Variants in PLCG2 observed in about 807,000 individuals in gnomAD.
PLCG2 encodes the protein 1-phosphatidylinositol 4,5-bisphosphate phosphodiesterase gamma-2.
A neutral mutation model predicts 175.6 loss-of-function variants in PLCG2; 69 were observed. The ratio of observed to expected loss-of-function variants is 0.39; its 90% CI spans 0.32 to 0.48. The LOEUF (loss-of-function observed/expected upper bound fraction) is 0.48, where lower values mean the gene tolerates loss of function less well. Ranked by LOEUF, PLCG2 falls within the 20% of genes least tolerant of loss-of-function variation. PLCG2 has a pLI of 0.91. For missense variants in PLCG2, 1,798 were observed against 1,650.9 expected, an observed-to-expected ratio of 1.09 and a Z score of -1.54; for synonymous variants, 827 against 624.0, an observed-to-expected ratio of 1.33 and a Z score of -4.85.
At chr16:81,891,889 C>T (rs1285561743) in intron 11 of PLCG2, among the ~76,000 whole-genome samples, 1 of 152,070 alleles carries the variant, frequency 6.6e-6, no homozygotes, top group Non-Finnish European at 1.5e-5. Flanking sequence ...TAGTTTTTCA[C>T]GATTTGGGCA....
chr16:81,954,700 T>C (rs1220201020), intron 31 of PLCG2, among the ~76,000 whole-genome samples: 1 of 152,242 alleles, frequency 6.6e-6, no homozygotes. Context: ...TAGTATTCCA[T>C]GGTGTATATG....
At chr16:81,849,420 T>C (rs1906286332) in intron 2 of PLCG2, among the ~76,000 whole-genome samples, 1 of 152,162 alleles carries the variant, frequency 6.6e-6, no homozygotes, top group Non-Finnish European at 1.5e-5. Context: ...TTTAGTTATG[T>C]ATAATTTTTC....
At chr16:81,904,457 T>G (rs374203663) in intron 14 of PLCG2, among the ~76,000 whole-genome samples, 1 of 152,216 alleles carries the variant, frequency 6.6e-6, no homozygotes, top group Admixed American at 6.5e-5. Flanking sequence ...ATCTTGCAGA[T>G]GAGAAGCCTG....
At chr16:81,771,607 C>G (rs1165333598) in intron 2 of PLCG2, among the ~76,000 whole-genome samples, 4 of 152,050 alleles carry the variant, frequency 2.6e-5, no homozygotes, top group Admixed American at 1.3e-4. Flanking sequence ...TGCTGTCTCC[C>G]CATTGAGAGG....
intron 1 of PLCG2, among the ~76,000 whole-genome samples, chr16:81,740,035 G>A (rs1422560562): frequency 6.6e-6 from 1 of 151,514 alleles, no homozygotes; most frequent in African/African-American, 2.4e-5. Context: ...TTACTCGGGA[G>A]GCTGAGGCAG....
intron 2 of PLCG2, among the ~76,000 whole-genome samples, chr16:81,804,038 G>T (rs1911881569): frequency 6.6e-6 from 1 of 152,192 alleles, no homozygotes; most frequent in South Asian, 2.1e-4. Context: ...GTTTTTGTGT[G>T]AACACATGTT....
intron 9 of PLCG2, among the ~76,000 whole-genome samples, chr16:81,885,272 C>T (rs12921746): frequency 0.34 from 51,062 of 151,902 alleles, 9,927 homozygotes; most frequent in East Asian, 0.61. Flanking sequence ...GATCCACCCG[C>T]CTTGGCCTCC....
At position 81,868,145 on chromosome 16, in the gene PLCG2, G is replaced by A. The variant is rs1451075250; in HGVS notation, c.480-1069G>A. ...TCTAAGCCCTGAGTTGTGTACCCAT[G>A]TGACACCCCACCCTTGGCTGTTCTG... On this transcript the variant is annotated intron_variant, in intron 5 of 32. Transcript: ENST00000564138. Among the ~76,000 whole-genome samples the A allele has an allele frequency of 2.0e-5, 3 of 152,214 alleles. No individual in the cohort carries two copies. In the South Asian group the frequency reaches 6.2e-4, roughly 32 times the overall value.
chr16:81,800,217 T>C (rs2143241360), intron 2 of PLCG2, among the ~76,000 whole-genome samples: 1 of 152,340 alleles, frequency 6.6e-6, no homozygotes, highest in South Asian at 2.1e-4. Flanking sequence ...TTAAATTTAC[T>C]TTTATTGTAA....
chr16:81,751,073 A>G (rs1909803900), intron 1 of PLCG2, among the ~76,000 whole-genome samples: 1 of 137,852 alleles, frequency 7.3e-6, no homozygotes, highest in South Asian at 2.3e-4. Flanking sequence ...CTCCACCTCC[A>G]GGGTTTAAGT....
intron 5 of PLCG2, among the ~76,000 whole-genome samples, chr16:81,860,194 G>T (rs896437708): frequency 8.6e-6 from 1 of 116,028 alleles, no homozygotes; most frequent in South Asian, 2.7e-4. Context: ...TTTTGTAAAG[G>T]TGAAGTCTTA....
intron 2 of PLCG2, among the ~76,000 whole-genome samples, chr16:81,792,707 A>G (rs1911294500): frequency 6.6e-6 from 1 of 151,974 alleles, no homozygotes. Context: ...CTCTTGTAAA[A>G]CTATCAGCCC....
At chr16:81,826,184 C>G (rs935159852) in intron 2 of PLCG2, among the ~76,000 whole-genome samples, 1 of 152,190 alleles carries the variant, frequency 6.6e-6, no homozygotes, top group Non-Finnish European at 1.5e-5. Context: ...AGCTAGAGTC[C>G]TCCTCGGCCC....
chr16:81,854,106 G>T (rs1463599749), intron 2 of PLCG2, among the ~76,000 whole-genome samples: 1 of 146,406 alleles, frequency 6.8e-6, no homozygotes, highest in Admixed American at 6.8e-5. Flanking sequence ...GTTTTTTTTT[G>T]GTAGAATAGT....
rs1399297127 is a variant in PLCG2, at chr16:81,840,204, G to T, written c.194-14240G>T. Among the ~76,000 whole-genome samples, 3 of 152,192 alleles carry T rather than the reference G, an allele frequency of 2.0e-5. No individual in the cohort carries two copies. The East Asian group carries it at 5.8e-4, about 29-fold the overall frequency. On this transcript the variant is annotated intron_variant, in intron 2 of 32. Transcript: ENST00000564138. The stretch of plus-strand genomic sequence containing the variant: ...ATCAACGAAGGGCGATGAGATGGCT[G>T]CCTGGAGAGCATGCTTAGAATTGAG...
intron 1 of PLCG2, among the ~76,000 whole-genome samples, chr16:81,754,895 G>A (rs1909890124): frequency 6.6e-6 from 1 of 152,122 alleles, no homozygotes; most frequent in Non-Finnish European, 1.5e-5. Flanking sequence ...TCTGATTCTG[G>A]ATCAGAAGCA....
At chr16:81,940,971 G>A (rs752961543) in intron 30 of PLCG2, among the ~76,000 whole-genome samples, 4 of 152,072 alleles carry the variant, frequency 2.6e-5, no homozygotes, top group African/African-American at 9.7e-5. Context: ...AGATTCTTCT[G>A]GATTCCTCAA....
chr16:81,787,501 T>G (rs191461098), intron 2 of PLCG2, among the ~76,000 whole-genome samples: 1 of 145,950 alleles, frequency 6.9e-6, no homozygotes, highest in African/African-American at 2.5e-5. Context: ...GCATTGGGAT[T>G]ACAGGCATGA....
intron 19 of PLCG2, among the ~76,000 whole-genome samples, chr16:81,914,429 T>C (rs1419402281): frequency 6.6e-6 from 1 of 152,126 alleles, no homozygotes; most frequent in African/African-American, 2.4e-5. Context: ...CATCTGGGGA[T>C]GGGGTTGGGG....
Sources: gnomAD v4.1 joint callset for allele counts (sites outside exome capture counted in the v4.1 genomes callset) on GRCh38, gnomAD v4.1.1 for gene constraint, MANE v1.5 for transcripts, NCBI Gene and HGNC (gene_info 2026-07-23, HGNC 2026-07-21) for gene names.